IQCM: variants seen among roughly 807,000 people sequenced by gnomAD.
The protein encoded by IQCM is IQ motif containing M.
A neutral mutation model predicts 57.6 loss-of-function variants in IQCM; 45 were observed. The ratio of observed to expected loss-of-function variants is 0.78; its 90% confidence interval spans 0.62 to 1.00. The LOEUF (loss-of-function observed/expected upper bound fraction) is 1.00, where lower values mean the gene tolerates loss of function less well. IQCM is among the 50% of genes least tolerant of loss of function. IQCM has a pLI of 0.00. For missense variants in IQCM, 468 were observed against 511.6 expected (o/e 0.91, Z 0.82); for synonymous variants, 148 against 158.9 (o/e 0.93, Z 0.51).
intron 2 of IQCM, among the ~76,000 whole-genome samples, chr4:149,746,137 C>G (rs1210950734): frequency 1.9e-4 from 29 of 152,034 alleles, no homozygotes; most frequent in Admixed American, 1.9e-3. Context: ...GATATTATGG[C>G]AAATGGAAGT....
intron 12 of IQCM, among the ~76,000 whole-genome samples, chr4:149,479,124 G>T (rs568432829): frequency 1.3e-5 from 2 of 152,266 alleles, no homozygotes; most frequent in South Asian, 2.1e-4. Flanking sequence ...GACAAGTGTC[G>T]CAAGAAGAGA....
At chr4:149,467,561 T>G (rs929688083) in intron 12 of IQCM, among the ~76,000 whole-genome samples, 1 of 152,160 alleles carries the variant, frequency 6.6e-6, no homozygotes, top group African/African-American at 2.4e-5. Flanking sequence ...AATAAAAAGT[T>G]TAATGAAAAG....
intron 2 of IQCM, among the ~76,000 whole-genome samples, chr4:149,777,686 A>C (rs1434624757): frequency 6.6e-6 from 1 of 152,180 alleles, no homozygotes; most frequent in East Asian, 1.9e-4. Flanking sequence ...GAGAAAACGG[A>C]GTAGATGTAA....
intron 9 of IQCM, among the ~76,000 whole-genome samples, chr4:149,581,866 G>A (rs1353321216): frequency 6.6e-6 from 1 of 151,566 alleles, no homozygotes; most frequent in Non-Finnish European, 1.5e-5. Flanking sequence ...ATTTGTCTAG[G>A]GCTGGTCATG....
In IQCM at chr4:149,369,007, T is replaced by TAC. The variant is rs1345564239; in HGVS notation, c.1391-16943_1391-16942dup. 3.9e-4 allele frequency among the ~76,000 whole-genome samples: 29 copies of TAC among 74,406 alleles called. 9 individuals carry two copies. The highest frequency in any genetic ancestry group is 8.4e-4 in the South Asian group (2 of 2,374). 48.8% of individuals were successfully genotyped at this position (74,406 alleles called of 152,430 possible). A position where few individuals can be genotyped will look rare whatever the true frequency, so the allele number is the denominator to read the frequency against. Reference sequence around the variant, plus strand: ...ATATACACGTGTATATATATATATATACACGTGTATATATATATATATACA... The same window carrying TAC: ...ATATACACGTGTATATATATATATATACACACGTGTATATATATATATATACA... On this transcript the variant is annotated intron_variant, in intron 13 of 13. Transcript: ENST00000636793.
chr4:149,354,455 G>C (rs1728817483), intron 13 of IQCM, among the ~76,000 whole-genome samples: 1 of 150,600 alleles, frequency 6.6e-6, no homozygotes, highest in Admixed American at 6.6e-5. Flanking sequence ...AGATCACAGG[G>C]AAAGGCAACC....
At chr4:149,496,931 T>C (rs1012137400) in intron 12 of IQCM, among the ~76,000 whole-genome samples, 2 of 152,192 alleles carry the variant, frequency 1.3e-5, no homozygotes, top group Admixed American at 6.5e-5. Flanking sequence ...AGGTATTTGC[T>C]CCTAAAATGC....
chr4:149,613,360 T>C (rs1755478004), intron 8 of IQCM, among the ~76,000 whole-genome samples: 1 of 152,130 alleles, frequency 6.6e-6, no homozygotes, highest in Non-Finnish European at 1.5e-5. Context: ...TACAATTTGG[T>C]AAGGAATTTT....
Position 149,366,549 on chromosome 4 carries a change from T to C in IQCM, c.1391-14483A>G, listed in dbSNP as rs183956694. 5.3e-5 allele frequency among the ~76,000 whole-genome samples: 8 copies of C among 152,036 alleles called. No homozygotes were observed. In the East Asian group the frequency reaches 9.7e-4, roughly 18 times the overall value. On this transcript the variant is annotated intron_variant, in intron 13 of 13. Transcript: ENST00000636793. ...CCCAGACATTAGTAACAACTTTGTC[T>C]TCTAAATTCTATAATCTTTTTACTC...
At chr4:149,770,377 A>C (rs1159000302) in intron 2 of IQCM, among the ~76,000 whole-genome samples, 1 of 152,094 alleles carries the variant, frequency 6.6e-6, no homozygotes, top group African/African-American at 2.4e-5. Flanking sequence ...AGAAAGTTGT[A>C]ATATCAATTC....
chr4:149,494,957 T>G (rs970049695), intron 12 of IQCM, among the ~76,000 whole-genome samples: 1 of 152,086 alleles, frequency 6.6e-6, no homozygotes, highest in African/African-American at 2.4e-5. Flanking sequence ...CATGGTCTAC[T>G]GTAGTAAGAG....
intron 8 of IQCM, among the ~76,000 whole-genome samples, chr4:149,617,453 C>G (rs1402651816): frequency 1.3e-5 from 2 of 152,076 alleles, no homozygotes; most frequent in Non-Finnish European, 2.9e-5. Context: ...ATATCATTCT[C>G]TCATATTTAT....
chr4:149,615,379 A>G (rs538257937), intron 8 of IQCM, among the ~76,000 whole-genome samples: 2 of 152,274 alleles, frequency 1.3e-5, no homozygotes, highest in African/African-American at 2.4e-5. Flanking sequence ...ATGGTTAAAA[A>G]TATCTTAGTA....
chr4:149,440,642 C>A (rs936506728), intron 12 of IQCM, among the ~76,000 whole-genome samples: 1 of 151,996 alleles, frequency 6.6e-6, no homozygotes, highest in East Asian at 1.9e-4. Flanking sequence ...TTTCTAGATT[C>A]AAGAGGCAAA....
At chr4:149,422,247 T>C (rs952283855) in intron 13 of IQCM, among the ~76,000 whole-genome samples, 3 of 151,906 alleles carry the variant, frequency 2.0e-5, no homozygotes, top group African/African-American at 7.2e-5. Flanking sequence ...AGTAAAGGAA[T>C]TGAGCTTAAA....
intron 12 of IQCM, among the ~76,000 whole-genome samples, chr4:149,458,538 T>C (rs1737940731): frequency 6.6e-6 from 1 of 152,016 alleles, no homozygotes; most frequent in Admixed American, 6.6e-5. Flanking sequence ...GCCAATCTTT[T>C]AAAATTAAAT....
intron 8 of IQCM, among the ~76,000 whole-genome samples, chr4:149,611,967 T>G (rs1755334808): frequency 2.0e-5 from 1 of 49,090 alleles, no homozygotes; most frequent in African/African-American, 6.0e-5. Flanking sequence ...AACAATAATT[T>G]TATTATTTAT....
At chr4:149,808,275 A>G (rs1774259186) in intron 2 of IQCM, among the ~76,000 whole-genome samples, 2 of 152,204 alleles carry the variant, frequency 1.3e-5, no homozygotes, top group Non-Finnish European at 2.9e-5. Context: ...CGTGGATGGA[A>G]ATGGAGGTCA....
At chr4:149,786,568 A>G (rs1580296337) in intron 2 of IQCM, among the ~76,000 whole-genome samples, 1 of 152,334 alleles carries the variant, frequency 6.6e-6, no homozygotes, top group East Asian at 1.9e-4. Context: ...CAGCCAACAA[A>G]CATATGAAAA....
Sources: allele counts gnomAD v4.1 joint callset (sites outside exome capture counted in the v4.1 genomes callset), GRCh38; gene constraint gnomAD v4.1.1; transcripts MANE v1.5; gene names NCBI Gene and HGNC (gene_info 2026-07-23, HGNC 2026-07-21).